Variants in AOPEP observed in about 807,000 individuals in gnomAD.
The protein encoded by AOPEP is aminopeptidase O.
Under a neutral mutation model 98.1 loss-of-function variants are expected in AOPEP, and 77 were observed. The observed-to-expected ratio is 0.78, with a 90% CI of 0.65 to 0.95. The LOEUF is 0.95. Ranked by LOEUF, AOPEP falls within the 40% of genes least tolerant of loss-of-function variation. AOPEP has a pLI of 0.00. For synonymous variants in AOPEP, 346 were observed against 365.3 expected (o/e 0.95, Z 0.60); for missense variants, 1,024 against 1,024.7 (o/e 1.00, Z 0.01).
chr9:94,750,532 C>G (rs1835451265), intron 1 of AOPEP, among the ~76,000 whole-genome samples: 1 of 151,900 alleles, frequency 6.6e-6, no homozygotes, highest in African/African-American at 2.4e-5. Flanking sequence ...TTGCAGTGAG[C>G]CGAGATTGGG....
At chr9:94,893,147 G>A (rs1327985909) in intron 5 of AOPEP, among the ~76,000 whole-genome samples, 5 of 152,196 alleles carry the variant, frequency 3.3e-5, no homozygotes, top group African/African-American at 1.2e-4. Flanking sequence ...AGACTGTGAC[G>A]TGGTAGAATG....
chr9:94,846,111 AT>A (rs1564245663), intron 5 of AOPEP, among the ~76,000 whole-genome samples: 7 of 140,944 alleles, frequency 5.0e-5, no homozygotes, highest in Admixed American at 7.1e-5. Context: ...AAAAAAAAAA[AT>A]TTGAGTCTGA....
At chr9:95,103,062 C>A in the AOPEP span, among the ~76,000 whole-genome samples, 3 of 152,248 alleles carry the variant, frequency 2.0e-5, no homozygotes, top group South Asian at 6.2e-4. Flanking sequence ...GTAGATGCAG[C>A]CTGTCCTTCA....
At chr9:95,042,298 C>T (rs1454243940) in intron 13 of AOPEP, among the ~76,000 whole-genome samples, 3 of 146,980 alleles carry the variant, frequency 2.0e-5, no homozygotes, top group East Asian at 2.0e-4. Flanking sequence ...GGCAACGGAG[C>T]GAGACTCTGT....
chr9:94,982,698 C>T (rs2060266131), intron 11 of AOPEP, among the ~76,000 whole-genome samples: 1 of 151,566 alleles, frequency 6.6e-6, no homozygotes, highest in African/African-American at 2.4e-5. Context: ...TAAAGAGCTG[C>T]ACCGCTTCCT....
At chr9:94,912,635 C>G (rs960693330) in intron 5 of AOPEP, among the ~76,000 whole-genome samples, 1 of 152,206 alleles carries the variant, frequency 6.6e-6, no homozygotes, top group African/African-American at 2.4e-5. Context: ...GCATCTTTCC[C>G]ATGCTGCCTT....
At chr9:95,039,522 G>A (rs959521725) in intron 13 of AOPEP, among the ~76,000 whole-genome samples, 1 of 152,212 alleles carries the variant, frequency 6.6e-6, no homozygotes, top group Non-Finnish European at 1.5e-5. Flanking sequence ...ATAGTAAGCT[G>A]TGTTCACACC....
At chr9:95,113,962 C>T in the AOPEP span, 3 of 157,106 alleles carry the variant, frequency 1.9e-5, no homozygotes, top group Admixed American at 1.2e-4. Context: ...GTGGTACACG[C>T]CTGTAGTCCC....
chr9:94,750,606 CA>C (rs1231124274), intron 1 of AOPEP, among the ~76,000 whole-genome samples: 1 of 151,092 alleles, frequency 6.6e-6, no homozygotes, highest in Non-Finnish European at 1.5e-5. Context: ...CAAAACAAAA[CA>C]AAAAAAAGTT....
At chr9:95,135,782 G>A in the AOPEP span, among the ~76,000 whole-genome samples, 1 of 152,202 alleles carries the variant, frequency 6.6e-6, no homozygotes, top group Non-Finnish European at 1.5e-5. Context: ...ATGGAAGAAA[G>A]AGGGAGCGAT....
At chr9:95,108,147 T>C in the AOPEP span, among the ~76,000 whole-genome samples, 120 of 152,356 alleles carry the variant, frequency 7.9e-4, no homozygotes, top group Non-Finnish European at 1.2e-3. Flanking sequence ...GCGTTTTTTT[T>C]CCCTGGAAGT....
the AOPEP span, among the ~76,000 whole-genome samples, chr9:95,094,810 T>G: frequency 6.6e-6 from 1 of 152,116 alleles, no homozygotes; most frequent in Non-Finnish European, 1.5e-5. Context: ...GGATTACAGG[T>G]GTGCGCCACC....
At chr9:95,054,468 G>A (rs1331712223) in intron 13 of AOPEP, among the ~76,000 whole-genome samples, 2 of 152,210 alleles carry the variant, frequency 1.3e-5, no homozygotes, top group Non-Finnish European at 2.9e-5. Flanking sequence ...TATGCTTTGT[G>A]TTAGATTGCA....
At chr9:95,079,254 T>C (rs1224863346) in intron 14 of AOPEP, among the ~76,000 whole-genome samples, 1 of 152,242 alleles carries the variant, frequency 6.6e-6, no homozygotes, top group African/African-American at 2.4e-5. Flanking sequence ...TGTAAACCTA[T>C]TTAGAGTAGA....
At chr9:94,884,607 G>A (rs772818032) in intron 5 of AOPEP, among the ~76,000 whole-genome samples, 4 of 152,160 alleles carry the variant, frequency 2.6e-5, no homozygotes, top group South Asian at 2.1e-4. Context: ...TAGAAGTTAC[G>A]TAACCTCCCC....
At chr9:94,800,360 G>T (rs1039054750) in intron 4 of AOPEP, among the ~76,000 whole-genome samples, 1 of 152,086 alleles carries the variant, frequency 6.6e-6, no homozygotes, top group Non-Finnish European at 1.5e-5. Context: ...TCCTTTCTGA[G>T]TTATGAATTG....
At chr9:94,856,413 G>A (rs573995142) in intron 5 of AOPEP, among the ~76,000 whole-genome samples, 34 of 152,238 alleles carry the variant, frequency 2.2e-4, no homozygotes, top group Admixed American at 9.2e-4. Context: ...AGGCTGAGGC[G>A]GGCGGATCAC....
chr9:94,735,192 T>C (rs1434550874), intron 1 of AOPEP, among the ~76,000 whole-genome samples: 1 of 152,202 alleles, frequency 6.6e-6, no homozygotes, highest in Non-Finnish European at 1.5e-5. Flanking sequence ...ATGTAGATTA[T>C]TGGCTGCTAT....
chr9:95,046,102 G>A (rs10119512), intron 13 of AOPEP, among the ~76,000 whole-genome samples: 116,722 of 152,108 alleles, frequency 0.77, 46,905 homozygotes, highest in Non-Finnish European at 0.89. Flanking sequence ...TTCAACTTCC[G>A]AAAAGCAAAA....
Sources: allele counts gnomAD v4.1 joint callset (sites outside exome capture counted in the v4.1 genomes callset), GRCh38; gene constraint gnomAD v4.1.1; transcripts MANE v1.5; gene names NCBI Gene and HGNC (gene_info 2026-07-23, HGNC 2026-07-21).